The following PIGK variants were observed in gnomAD, a reference collection of about 807,000 sequenced individuals.
PIGK encodes the protein phosphatidylinositol glycan anchor biosynthesis class K, also known as GPI-anchor transamidase.
A neutral mutation model predicts 50.6 loss-of-function variants in PIGK; 42 were observed. The ratio of observed to expected loss-of-function variants is 0.83; its 90% CI spans 0.65 to 1.07. The LOEUF is 1.07. Ranked by LOEUF, PIGK falls within the 50% of genes least tolerant of loss-of-function variation. The pLI, the probability that PIGK is intolerant of heterozygous loss-of-function variation, is 0.00. For synonymous variants in PIGK, 151 were observed against 156.0 expected, an observed-to-expected ratio of 0.97 and a Z score of 0.24; for missense variants, 448 against 488.7, an observed-to-expected ratio of 0.92 and a Z score of 0.78.
intron 9 of PIGK, among the ~76,000 whole-genome samples, chr1:77,125,840 G>C (rs1292185168): frequency 1.3e-5 from 2 of 152,038 alleles, no homozygotes; most frequent in East Asian, 3.9e-4. Context: ...TCAAGGTGTT[G>C]AACTAAATAT....
Position 77,178,291 on chromosome 1 carries a change from G to A in PIGK, c.240-8896C>T, listed in dbSNP as rs1655532187. ...CACAGGTTAAAGAGAACATTGCCAG[G>A]AGGCCTTCATACTTCTAGAAGGGCA... On this transcript the variant is annotated intron_variant, in intron 3 of 10. Coordinates refer to ENST00000370812, the MANE Select transcript of PIGK (RefSeq NM_005482.3). 2.0e-5 allele frequency among the ~76,000 whole-genome samples: 3 copies of A among 152,182 alleles called. No homozygotes were observed. In the South Asian group the frequency reaches 6.2e-4, roughly 31 times the overall value.
chr1:77,193,527 C>A (rs1655962375), intron 3 of PIGK, among the ~76,000 whole-genome samples: 1 of 152,152 alleles, frequency 6.6e-6, no homozygotes, highest in African/African-American at 2.4e-5. Flanking sequence ...ATCATTTATT[C>A]ATCCTAGTCC....
chr1:77,199,118 A>G (rs1371970801), intron 3 of PIGK, among the ~76,000 whole-genome samples: 1 of 152,058 alleles, frequency 6.6e-6, no homozygotes, highest in Non-Finnish European at 1.5e-5. Context: ...AGACTTGCAA[A>G]TTGGTCCTAC....
intron 3 of PIGK, chr1:77,195,052 C>T (rs1655999887): frequency 5.7e-6 from 5 of 884,860 alleles, no homozygotes; most frequent in Middle Eastern, 4.7e-4. Flanking sequence ...GCTCAGAGAC[C>T]TGGCTGTGCA....
chr1:77,092,194 T>A lies in PIGK; in HGVS notation c.*180A>T, dbSNP rs1352784214. On this transcript the variant is annotated 3_prime_UTR_variant, in exon 11 of 11. Transcript: ENST00000370812. The stretch of plus-strand genomic sequence containing the variant: ...AAAACTGGAATATATTTAGTGCCAT[T>A]AAGCAGTTGCATTAACAATTATTTT... 1 of 418,886 alleles carries A rather than the reference T, an allele frequency of 2.4e-6. No individual in the cohort carries two copies. The highest frequency in any genetic ancestry group is 2.1e-5 in the African/African-American group (1 of 47,352). The allele number at this position is 418,886 out of a possible 1,614,324, so 25.9% of individuals were successfully genotyped here. A position where few individuals can be genotyped will look rare whatever the true frequency, so the allele number is the denominator to read the frequency against.
intron 8 of PIGK, among the ~76,000 whole-genome samples, chr1:77,156,369 G>T (rs952910016): frequency 2.0e-5 from 3 of 152,108 alleles, no homozygotes; most frequent in South Asian, 4.1e-4. Context: ...TTTCTTTTAA[G>T]AATTTTTATC....
At chr1:77,159,559 GC>G (rs1294925605) in intron 8 of PIGK, among the ~76,000 whole-genome samples, 4 of 152,194 alleles carry the variant, frequency 2.6e-5, no homozygotes, top group African/African-American at 9.7e-5. Flanking sequence ...CAGGATGGGG[GC>G]CGTATCCTGC....
intron 10 of PIGK, among the ~76,000 whole-genome samples, chr1:77,113,463 T>C (rs1653898643): frequency 6.6e-6 from 1 of 152,074 alleles, no homozygotes; most frequent in African/African-American, 2.4e-5. Flanking sequence ...AGCTAATTCT[T>C]AAGTATTCAA....
chr1:77,115,011 C>T (rs1502533), intron 10 of PIGK, among the ~76,000 whole-genome samples: 2 of 151,966 alleles, frequency 1.3e-5, no homozygotes, highest in Non-Finnish European at 2.9e-5. Flanking sequence ...TTTTTTAAAA[C>T]AAGGTGGCAG....
intron 1 of PIGK, among the ~76,000 whole-genome samples, chr1:77,216,359 C>A (rs1332117134): frequency 6.6e-6 from 1 of 152,024 alleles, no homozygotes; most frequent in South Asian, 2.1e-4. Context: ...GTACATGTAA[C>A]CCTCAAGAAT....
rs371797224 is a variant in PIGK at position 77,148,665 on chromosome 1, C to T, written c.986+5784G>A. 2.0e-5 allele frequency among the ~76,000 whole-genome samples: 3 copies of T among 151,330 alleles called. No homozygotes were observed. In the South Asian group the frequency reaches 6.2e-4, roughly 31 times the overall value. ...GCACAGGTTTTGGTTTGTTTGTTTG[C>T]TTCTTTTCTCTTTTTTGGTGATTGA... is the stretch of plus-strand genomic sequence containing the variant. On this transcript the variant is annotated intron_variant, in intron 9 of 10. Coordinates refer to ENST00000370812, the MANE Select transcript of PIGK (RefSeq NM_005482.3).
At chr1:77,161,999 C>T (rs1655139142) in intron 6 of PIGK, among the ~76,000 whole-genome samples, 1 of 152,172 alleles carries the variant, frequency 6.6e-6, no homozygotes, top group African/African-American at 2.4e-5. Flanking sequence ...TTCCATTCAA[C>T]AAGCACTTAT....
chr1:77,170,857 T>C (rs1655343052), intron 3 of PIGK, among the ~76,000 whole-genome samples: 1 of 152,194 alleles, frequency 6.6e-6, no homozygotes, highest in Non-Finnish European at 1.5e-5. Context: ...GAAAATGTTC[T>C]GCTACATATG....
At chr1:77,217,795 G>C (rs914538648) in intron 1 of PIGK, among the ~76,000 whole-genome samples, 1 of 152,114 alleles carries the variant, frequency 6.6e-6, no homozygotes, top group African/African-American at 2.4e-5. Context: ...TAAGAGATAG[G>C]GAAACGTTCT....
chr1:77,185,191 C>T (rs1311098001), intron 3 of PIGK, among the ~76,000 whole-genome samples: 1 of 152,240 alleles, frequency 6.6e-6, no homozygotes, highest in Non-Finnish European at 1.5e-5. Context: ...TTGCCTTCAG[C>T]TGGCAAGGCC....
At chr1:77,208,939 T>A (rs1656354644) in intron 2 of PIGK, among the ~76,000 whole-genome samples, 1 of 152,168 alleles carries the variant, frequency 6.6e-6, no homozygotes, top group Non-Finnish European at 1.5e-5. Flanking sequence ...AGTAAGTTAA[T>A]TATAGTCTTG....
At chr1:77,096,639 G>T (rs574492430) in intron 10 of PIGK, among the ~76,000 whole-genome samples, 1 of 152,230 alleles carries the variant, frequency 6.6e-6, no homozygotes, top group South Asian at 2.1e-4. Flanking sequence ...ACTCATGACG[G>T]AGCCTAACTG....
At chr1:77,207,655 T>A (rs936985458) in intron 2 of PIGK, among the ~76,000 whole-genome samples, 1 of 152,166 alleles carries the variant, frequency 6.6e-6, no homozygotes, top group Non-Finnish European at 1.5e-5. Context: ...CCTCAAAAGT[T>A]AGTGTTGTTC....
intron 3 of PIGK, among the ~76,000 whole-genome samples, chr1:77,171,147 A>G (rs974483325): frequency 1.3e-5 from 2 of 152,136 alleles, no homozygotes; most frequent in Admixed American, 6.5e-5. Flanking sequence ...ATAAAAATGA[A>G]TATTTCTGGC....
Sources: allele counts gnomAD v4.1 joint callset (sites outside exome capture counted in the v4.1 genomes callset), GRCh38; gene constraint gnomAD v4.1.1; transcripts MANE v1.5; gene names NCBI Gene and HGNC (gene_info 2026-07-23, HGNC 2026-07-21).